TRAPPC13: variants seen among roughly 807,000 people sequenced by gnomAD.
TRAPPC13 encodes the protein REV7-interacting novel NHEJ regulator 1.
In TRAPPC13, 39 loss-of-function variants were observed where a neutral mutation model predicts 54.0. The ratio of observed to expected loss-of-function variants is 0.72; its 90% CI spans 0.56 to 0.94. The LOEUF is 0.94. Among genes scored for constraint, TRAPPC13 ranks in the 40% least tolerant of loss-of-function variants. The pLI, the probability that TRAPPC13 is intolerant of heterozygous loss-of-function variation, is 0.00. For synonymous variants in TRAPPC13, 148 were observed against 167.7 expected, an observed-to-expected ratio of 0.88 and a Z score of 0.91; for missense variants, 386 against 488.1, an observed-to-expected ratio of 0.79 and a Z score of 1.97.
At chr5:65,643,642 C>T (rs1756063666) in intron 4 of TRAPPC13, among the ~76,000 whole-genome samples, 1 of 151,784 alleles carries the variant, frequency 6.6e-6, no homozygotes, top group African/African-American at 2.4e-5. Context: ...CACGGTGAAA[C>T]CCTGTGTCTA....
intron 3 of TRAPPC13, among the ~76,000 whole-genome samples, chr5:65,636,293 G>A (rs758875657): frequency 7.9e-5 from 12 of 151,818 alleles, no homozygotes; most frequent in Middle Eastern, 3.4e-3. Flanking sequence ...ACAGGCGTGC[G>A]CACCGCTCTG....
At chr5:65,635,070 A>C (rs1755698358) in intron 1 of TRAPPC13, 1 of 536,142 alleles carries the variant, frequency 1.9e-6, no homozygotes, top group Non-Finnish European at 2.4e-6. Flanking sequence ...TTTACATTTA[A>C]TTTTTATAAT....
chr5:65,656,541 A>C (rs550282108), intron 8 of TRAPPC13, among the ~76,000 whole-genome samples: 1 of 152,284 alleles, frequency 6.6e-6, no homozygotes, highest in East Asian at 1.9e-4. Context: ...GTTTTATTTT[A>C]GATAATAGTA....
chr5:65,625,218 T>G, intron 1 of TRAPPC13, 112 bp downstream of exon 1: 1 of 920,028 alleles, frequency 1.1e-6, no homozygotes, highest in South Asian at 1.4e-5. Context: ...CTCGCCCTCC[T>G]GCTCTGTCCT....
chr5:65,630,572 A>G lies in TRAPPC13; in HGVS notation c.47-4729A>G, dbSNP rs577667641. On this transcript the variant is annotated intron_variant, in intron 1 of 12. Transcript: ENST00000399438. ...AAAAATGTTCTGTTCCTTTTGTTAC[A>G]AACTGTGATTGAATTAGTCATGAAT... The G allele has an allele frequency of 1.0e-5, 12 of 1,177,172 alleles. No homozygotes were observed. The East Asian group carries it at 4.9e-4, about 48-fold the overall frequency. The allele number at this position is 1,177,172 out of a possible 1,614,324, so 72.9% of individuals were successfully genotyped here.
chr5:65,628,458 A>G (rs1755350090), intron 1 of TRAPPC13, among the ~76,000 whole-genome samples: 1 of 151,800 alleles, frequency 6.6e-6, no homozygotes, highest in Non-Finnish European at 1.5e-5. Flanking sequence ...TGGAATCCAT[A>G]TAATTTTTTT....
At chr5:65,630,226 G>C (rs952687219) in intron 1 of TRAPPC13, 1 of 1,535,868 alleles carries the variant, frequency 6.5e-7, no homozygotes, top group Non-Finnish European at 8.7e-7. Context: ...AAATATGGGT[G>C]TTCTGTGATA....
intron 11 of TRAPPC13, chr5:65,664,019 T>C: frequency 2.0e-6 from 1 of 491,842 alleles, no homozygotes; most frequent in East Asian, 3.5e-5. Flanking sequence ...ACAGGCAGAT[T>C]AGTCTGAGGC....
chr5:65,636,158 T>G (rs1755738076), intron 3 of TRAPPC13, 115 bp downstream of exon 3: 3 of 709,430 alleles, frequency 4.2e-6, no homozygotes, highest in Non-Finnish European at 6.9e-6. Flanking sequence ...TTTTTTTTTT[T>G]TCTGAGATGG....
At chr5:65,661,073 C>A in intron 10 of TRAPPC13, 176 bp downstream of exon 10, 1 of 496,150 alleles carries the variant, frequency 2.0e-6, no homozygotes, top group Non-Finnish European at 3.6e-6. Context: ...ACTGGTGTTG[C>A]CATGAATGAA....
chr5:65,629,363 C>A (rs1488388728), intron 1 of TRAPPC13: 8 of 796,250 alleles, frequency 1.0e-5, no homozygotes, highest in Admixed American at 3.9e-5. Flanking sequence ...TGGTAAAATA[C>A]CACATTGGGA....
chr5:65,627,363 G>A (rs1160672373), intron 1 of TRAPPC13, among the ~76,000 whole-genome samples: 2 of 151,994 alleles, frequency 1.3e-5, no homozygotes, highest in African/African-American at 4.8e-5. Context: ...TATGTAAAAT[G>A]TTAAAGATAA....
chr5:65,646,257 G>T (rs1272056347), intron 4 of TRAPPC13, among the ~76,000 whole-genome samples: 4 of 152,180 alleles, frequency 2.6e-5, no homozygotes, highest in South Asian at 2.1e-4. Flanking sequence ...GCATCATCGG[G>T]TGGAGGGAAA....
Position 65,664,571 on chromosome 5 carries a change from A to T in TRAPPC13, c.1214A>T (p.Gln405Leu), listed in dbSNP as rs201025397. Reference protein sequence around the residue: ...KRTYEYDDIAQVCVVSSAIKV... With the variant: ...KRTYEYDDIALVCVVSSAIKV... The stretch of plus-strand genomic sequence containing the variant: ...ACATATGAATATGATGACATCGCAC[A>T]AGTCTGTGTGGTATCTTCTGCCATT... Residue 405 changes from glutamine to leucine, a missense_variant, in exon 13 of 13, where the codon CAA (glutamine) becomes CTA (leucine). By Grantham distance (113) the Gln-to-Leu change is moderately radical (BLOSUM62 -2). Transcript: ENST00000399438. 6.2e-7 allele frequency: 1 copy of T among 1,612,508 alleles called. No individual in the cohort carries two copies. The highest frequency in any genetic ancestry group is 1.3e-5 in the African/African-American group (1 of 74,960).
chr5:65,646,949 T>C, intron 4 of TRAPPC13, 106 bp from the exon 5 acceptor site: 1 of 1,087,964 alleles, frequency 9.2e-7, no homozygotes, highest in Admixed American at 3.0e-5. Flanking sequence ...CTTTCATCCT[T>C]CTTTCCTAAT....
Position 65,660,807 on chromosome 5 carries a change from G to C in TRAPPC13, c.807G>C (p.Lys269Asn). 1 of 1,613,772 alleles carries C rather than the reference G, an allele frequency of 6.2e-7. No individual in the cohort carries two copies. The highest frequency in any genetic ancestry group is 8.5e-7 in the Non-Finnish European group (1 of 1,179,772). Reference protein sequence around the residue: ...NEFAEKAGIIKGVTVIGKLDI... With the variant: ...NEFAEKAGIINGVTVIGKLDI... ...TTGCAGAAAAAGCAGGCATCATTAAGGGAGTAACAGTAATTGGAAAATTGG... is the reference window on the plus strand; with the variant it reads ...TTGCAGAAAAAGCAGGCATCATTAACGGAGTAACAGTAATTGGAAAATTGG... Residue 269 changes from lysine to asparagine, a missense_variant, in exon 10 of 13, where the codon AAG becomes AAC. Lys to Asn is a moderately conservative substitution (Grantham distance 94). Transcript: ENST00000399438.
At chr5:65,625,692 A>AT (rs1755184760) in intron 1 of TRAPPC13, among the ~76,000 whole-genome samples, 1 of 152,082 alleles carries the variant, frequency 6.6e-6, no homozygotes, top group Non-Finnish European at 1.5e-5. Context: ...TTAGATCATT[A>AT]TTTAGGAAAA....
At chr5:65,647,248 C>T (rs1275194497) in intron 5 of TRAPPC13, 66 bp downstream of exon 5, 2 of 1,462,212 alleles carry the variant, frequency 1.4e-6, no homozygotes, top group African/African-American at 2.9e-5. Context: ...GAAATTTTTG[C>T]TTTCTTTTCA....
At chr5:65,632,905 A>T (rs1188939069) in intron 1 of TRAPPC13, among the ~76,000 whole-genome samples, 1 of 152,198 alleles carries the variant, frequency 6.6e-6, no homozygotes, top group Non-Finnish European at 1.5e-5. Flanking sequence ...AGGGACTTTC[A>T]TGAAGTGCTA....
Sources: allele counts gnomAD v4.1 joint callset (sites outside exome capture counted in the v4.1 genomes callset), GRCh38; gene constraint gnomAD v4.1.1; transcripts MANE v1.5; gene names NCBI Gene and HGNC (gene_info 2026-07-23, HGNC 2026-07-21).